Variants in TENM2 observed in about 807,000 individuals in gnomAD.
TENM2 encodes the protein teneurin-2.
A neutral mutation model predicts 245.2 loss-of-function variants in TENM2; 52 were observed. The observed-to-expected ratio is 0.21, with a 90% confidence interval of 0.17 to 0.27. The LOEUF is 0.27. TENM2 is among the 10% of genes least tolerant of loss of function. The pLI, the probability that TENM2 is intolerant of heterozygous loss-of-function variation, is 1.00. For synonymous variants in TENM2, 1,363 were observed against 1,438.9 expected, an observed-to-expected ratio of 0.95 and a Z score of 1.19; for missense variants, 3,046 against 3,666.8, an observed-to-expected ratio of 0.83 and a Z score of 4.37.
intron 2 of TENM2, among the ~76,000 whole-genome samples, chr5:167,577,780 G>A (rs1242995439): frequency 6.6e-6 from 1 of 152,042 alleles, no homozygotes; most frequent in Non-Finnish European, 1.5e-5. Context: ...GTGCCGAATT[G>A]CACCCCTAAC....
the TENM2 span, among the ~76,000 whole-genome samples, chr5:167,250,941 T>C: frequency 7.9e-5 from 12 of 152,148 alleles, no homozygotes; most frequent in African/African-American, 2.9e-4. Flanking sequence ...TTGGATGGTG[T>C]TGGTTTTATT....
intron 2 of TENM2, among the ~76,000 whole-genome samples, chr5:167,466,479 T>G (rs939340993): frequency 2.6e-5 from 4 of 152,230 alleles, no homozygotes; most frequent in Non-Finnish European, 5.9e-5. Flanking sequence ...GAAACAAATT[T>G]ATGTGTGCTA....
intron 4 of TENM2, among the ~76,000 whole-genome samples, chr5:167,959,386 G>A (rs147741787): frequency 2.7e-3 from 418 of 152,030 alleles, no homozygotes; most frequent in African/African-American, 9.5e-3. Flanking sequence ...TAGTAGAGAC[G>A]GGGTTTCACT....
chr5:167,413,518 A>G (rs567773865), intron 2 of TENM2, among the ~76,000 whole-genome samples: 3 of 152,230 alleles, frequency 2.0e-5, no homozygotes, highest in Middle Eastern at 3.4e-3. Flanking sequence ...TGAGATGTCT[A>G]ATTTGAATTT....
chr5:167,362,456 CCTG>C (rs754746965), intron 1 of TENM2, among the ~76,000 whole-genome samples: 3 of 152,162 alleles, frequency 2.0e-5, no homozygotes, highest in Non-Finnish European at 4.4e-5. Flanking sequence ...CATATATTCA[CCTG>C]CTGATAGACT....
the TENM2 span, among the ~76,000 whole-genome samples, chr5:167,238,037 G>C: frequency 7.3e-6 from 1 of 137,848 alleles, no homozygotes; most frequent in African/African-American, 2.9e-5. Context: ...AAAAAAAGAA[G>C]TGCTGCATCA....
At position 167,682,377 on chromosome 5, in the gene TENM2, A is replaced by G. The variant is rs1010485493; in HGVS notation, c.503-193609A>G. ...GGGGTTTCACTATGTTGGCCAGGCT[A>G]GTCTTGAACTCCTGACCTTAGGCAA... On this transcript the variant is annotated intron_variant, in intron 2 of 28. Coordinates refer to ENST00000518659, the Ensembl canonical transcript of TENM2. Among the ~76,000 whole-genome samples the G allele has an allele frequency of 3.3e-5, 5 of 151,850 alleles. No individual in the cohort carries two copies. The East Asian group carries it at 9.8e-4, about 30-fold the overall frequency.
At chr5:167,958,509 G>A (rs934888455) in intron 4 of TENM2, among the ~76,000 whole-genome samples, 6 of 152,104 alleles carry the variant, frequency 3.9e-5, no homozygotes, top group East Asian at 3.9e-4. Context: ...GTATGAATTC[G>A]ATCCTGTCAT....
chr5:168,137,784 T>C (rs1755183560), intron 12 of TENM2, among the ~76,000 whole-genome samples: 1 of 152,244 alleles, frequency 6.6e-6, no homozygotes, highest in Non-Finnish European at 1.5e-5. Flanking sequence ...CCCTTAAGCA[T>C]GTTACTGTCA....
the TENM2 span, among the ~76,000 whole-genome samples, chr5:167,057,055 A>T: frequency 6.6e-6 from 1 of 151,394 alleles, no homozygotes; most frequent in Non-Finnish European, 1.5e-5. Flanking sequence ...TCAGTTTTCG[A>T]AATTTCTATT....
At chr5:167,703,242 C>G (rs554539464) in intron 2 of TENM2, among the ~76,000 whole-genome samples, 3 of 152,110 alleles carry the variant, frequency 2.0e-5, no homozygotes, top group Non-Finnish European at 4.4e-5. Flanking sequence ...CTTAAAAAGA[C>G]TACATTAAGC....
At chr5:167,719,066 A>G (rs1759450196) in intron 2 of TENM2, among the ~76,000 whole-genome samples, 1 of 152,220 alleles carries the variant, frequency 6.6e-6, no homozygotes, top group Admixed American at 6.5e-5. Context: ...TTAGGTATGA[A>G]GCATTATTCT....
intron 2 of TENM2, among the ~76,000 whole-genome samples, chr5:167,785,057 A>G (rs920818065): frequency 5.3e-5 from 8 of 152,334 alleles, no homozygotes; most frequent in Middle Eastern, 3.4e-3. Flanking sequence ...AAAGTGAACT[A>G]AGAGGAAAAT....
intron 1 of TENM2, among the ~76,000 whole-genome samples, chr5:167,316,356 A>G (rs1441844425): frequency 1.3e-5 from 2 of 152,180 alleles, no homozygotes; most frequent in African/African-American, 2.4e-5. Flanking sequence ...AACCTACTAC[A>G]AATCAATGAC....
chr5:167,189,521 C>A, the TENM2 span, among the ~76,000 whole-genome samples: 5 of 150,608 alleles, frequency 3.3e-5, no homozygotes, highest in African/African-American at 9.8e-5. Flanking sequence ...TTCTTCCTTC[C>A]TTTCTCTCTT....
At chr5:167,688,734 A>G (rs1043163553) in intron 2 of TENM2, among the ~76,000 whole-genome samples, 5 of 152,180 alleles carry the variant, frequency 3.3e-5, no homozygotes, top group Admixed American at 3.3e-4. Flanking sequence ...AAAGAAATGG[A>G]TTTGATGGGA....
intron 2 of TENM2, among the ~76,000 whole-genome samples, chr5:167,421,168 C>T (rs1236026453): frequency 6.6e-6 from 1 of 152,182 alleles, no homozygotes; most frequent in Admixed American, 6.5e-5. Context: ...TCATATGGAA[C>T]AAAACCCCCA....
intron 5 of TENM2, among the ~76,000 whole-genome samples, chr5:168,007,317 C>T (rs141653866): frequency 0.01 from 1,528 of 152,200 alleles, 14 homozygotes; most frequent in Non-Finnish European, 0.016. Context: ...TTAGTAGAGA[C>T]GTGGTTTCAC....
chr5:167,046,866 C>G, the TENM2 span, among the ~76,000 whole-genome samples: 4,404 of 151,912 alleles, frequency 0.029, 219 homozygotes, highest in African/African-American at 0.1. Context: ...GCCCCCCACC[C>G]CCCGACAGGC....
Sources: allele counts gnomAD v4.1 joint callset (sites outside exome capture counted in the v4.1 genomes callset), GRCh38; gene constraint gnomAD v4.1.1; transcripts MANE v1.5; gene names NCBI Gene and HGNC (gene_info 2026-07-23, HGNC 2026-07-21).